Variants in CD163 observed in about 807,000 individuals in gnomAD.
The protein encoded by CD163 is CD163 molecule, also known as scavenger receptor cysteine-rich type 1 protein M130.
In CD163, 64 loss-of-function variants were observed where a neutral mutation model predicts 129.2. That is an observed-to-expected ratio of 0.50 (90% CI 0.41 to 0.61). CD163 has a LOEUF of 0.61. CD163 is among the 20% of genes least tolerant of loss of function. The probability of loss-of-function intolerance (pLI) is 0.00; values close to 1 mark genes in which losing one functional copy is unlikely to be tolerated. For synonymous variants in CD163, 446 were observed against 478.5 expected (o/e 0.93, Z 0.89); for missense variants, 1,061 against 1,377.9 (o/e 0.77, Z 3.64).
rs1287564895 is a variant in CD163, at chr12:7,483,498, T to G, written c.2957A>C (p.Gln986Pro). 1 of 1,614,102 alleles carries G rather than the reference T, an allele frequency of 6.2e-7. No individual in the cohort carries two copies. Among genetic ancestry groups the G allele is most frequent in the Non-Finnish European group, 8.5e-7 (1 of 1,180,000 alleles). ...ATTGAGCCATATCGGTCCAGTCCCC[T>G]GACCAAACTCTGCTTCTTTGAATGC... ...LKAFKEAEFG[Q>P]GTGPIWLNEV... is the part of the protein sequence containing the mutation. The change falls in exon 12 of 17, where the codon CAG becomes CCG. Residue 986 changes from glutamine (Q) to proline (P), a missense_variant. Transcript: ENST00000432237.
intron 5 of CD163, 96 bp from the exon 6 acceptor site, chr12:7,495,497 T>C (rs1358498163): frequency 9.9e-7 from 1 of 1,008,932 alleles, no homozygotes; most frequent in Non-Finnish European, 1.5e-6. Context: ...TACTGATGCA[T>C]TGAAAATTAT....
In CD163 at chr12:7,471,143, G is replaced by C. The variant is rs1948997313; in HGVS notation, c.*286C>G. On this transcript the variant is annotated 3_prime_UTR_variant, in exon 17 of 17. Transcript: ENST00000432237. ...TAGGAAGCCCATTTAGAAATTAATA[G>C]AATTAAGGACAAGTAATTAAAGCAA... 1 of 152,190 alleles carries C rather than the reference G, an allele frequency of 6.6e-6. No homozygotes were observed. The highest frequency in any genetic ancestry group is 2.4e-5 in the African/African-American group (1 of 41,546). The allele number at this position is 152,190 out of a possible 1,614,324, so 9.4% of individuals were successfully genotyped here.
intron 3 of CD163, 71 bp from the exon 4 acceptor site, chr12:7,499,259 T>A: frequency 7.5e-7 from 1 of 1,335,552 alleles, no homozygotes; most frequent in Non-Finnish European, 1.0e-6. Context: ...AGAAGTTTCC[T>A]CTGGACACTT....
At position 7,501,225 on chromosome 12, in the gene CD163, T is replaced by TC. The variant is rs1565410204; in HGVS notation, c.370dup (p.Glu124GlyfsTer10). 1 of 1,614,228 alleles carries TC rather than the reference T, an allele frequency of 6.2e-7. No individual in the cohort carries two copies. Among genetic ancestry groups the TC allele is most frequent in the Non-Finnish European group, 8.5e-7 (1 of 1,180,038 alleles). The stretch of plus-strand genomic sequence containing the variant: ...ATGTTTGCAATCCCAAAGAGCTGAC[T>TC]CATTCCCACGACAAGAAACATGATC... On this transcript the variant is annotated frameshift_variant, in exon 3 of 17. Coordinates refer to ENST00000432237, the MANE Select transcript of CD163 (RefSeq NM_203416.4). LOFTEE classifies it high-confidence loss of function.
At chr12:7,484,973 G>A (rs1297620990) in intron 11 of CD163, 123 bp downstream of exon 11, 6 of 865,558 alleles carry the variant, frequency 6.9e-6, no homozygotes, top group Non-Finnish European at 9.0e-6. Flanking sequence ...ACCCATTCTT[G>A]CTTAATTCAA....
At position 7,501,352 on chromosome 12, in the gene CD163, T is replaced by C. The variant is rs1949486048; in HGVS notation, c.244A>G (p.Met82Val). The C allele has an allele frequency of 2.5e-6, 4 of 1,613,998 alleles. No homozygotes were observed. The highest frequency in any genetic ancestry group is 3.4e-6 in the Non-Finnish European group (4 of 1,180,004). Residue 82 changes from methionine (M) to valine (V), a missense_variant, in exon 3 of 17, where the codon ATG (methionine) becomes GTG (valine). Transcript: ENST00000432237. ...TTACAAATCACAGAGACCGCTTCCA[T>C]GCTCCAGCCATTATTACACACCGTT... ...WGTVCNNGWS[M>V]EAVSVICNQL...
At chr12:7,471,667 C>A (rs746957304) in intron 16 of CD163, among the ~76,000 whole-genome samples, 1 of 151,446 alleles carries the variant, frequency 6.6e-6, no homozygotes. Context: ...GTGAGACCAA[C>A]GCAGAAGTCT....
intron 10 of CD163, among the ~76,000 whole-genome samples, chr12:7,486,109 C>CT (rs924105870): frequency 3.9e-5 from 6 of 152,238 alleles, no homozygotes; most frequent in African/African-American, 1.4e-4. Context: ...TAGTAATTAT[C>CT]TTTTTTTCTG....
chr12:7,483,742 A>C, intron 11 of CD163, 67 bp from the exon 12 acceptor site: 1 of 1,092,862 alleles, frequency 9.2e-7, no homozygotes, highest in Non-Finnish European at 1.2e-6. Context: ...TCACAGGTGA[A>C]AAGAGAGATT....
chr12:7,498,276 C>T (rs77270451), intron 4 of CD163, among the ~76,000 whole-genome samples: 125 of 152,134 alleles, frequency 8.2e-4, no homozygotes, highest in East Asian at 2.5e-3. Context: ...AACAGAAAAA[C>T]GAAGAGTGGT....
At chr12:7,502,167 T>A (rs1455722985) in intron 2 of CD163, among the ~76,000 whole-genome samples, 1 of 152,220 alleles carries the variant, frequency 6.6e-6, no homozygotes, top group Non-Finnish European at 1.5e-5. Flanking sequence ...GTTTCCCAAA[T>A]TCACTTTTGT....
chr12:7,496,722 G>A lies in CD163; in HGVS notation c.1099+91C>T. 1.9e-6 allele frequency: 2 copies of A among 1,044,368 alleles called. No individual in the cohort carries two copies. The highest frequency in any genetic ancestry group is 2.9e-6 in the Non-Finnish European group (2 of 685,388). 64.7% of individuals were successfully genotyped at this position (1,044,368 alleles called of 1,614,324 possible). On this transcript the variant is annotated intron_variant, in intron 5 of 16. Transcript: ENST00000432237. The surrounding 1 kb of genome is among the most constrained non-coding windows in gnomAD (Gnocchi z 4.8). ...TTACTAGGCATTTCTACTTCTTAAG[G>A]AGCACGTTCCTACTCTTAAGGAGCA...
intron 3 of CD163, among the ~76,000 whole-genome samples, chr12:7,499,544 G>A (rs1267121844): frequency 1.3e-5 from 2 of 152,106 alleles, no homozygotes; most frequent in African/African-American, 4.8e-5. Context: ...AGCTTTAAGT[G>A]TATAAATTTC....
intron 3 of CD163, 41 bp from the exon 4 acceptor site, chr12:7,499,229 T>C: frequency 1.3e-6 from 2 of 1,515,848 alleles, no homozygotes; most frequent in South Asian, 2.5e-5. Context: ...GTTACATTCA[T>C]TTAGAAGTGA....
rs745589563 is a variant in CD163, at chr12:7,487,383, G to C, written c.2026C>G (p.Gln676Glu). Residue 676 changes from glutamine to glutamate, a missense_variant, in exon 8 of 17, where the codon CAA becomes GAA. Transcript: ENST00000432237. This position sits in a 1 kb window ranked among gnomAD's most constrained non-coding sequence, Gnocchi z 5.1. Reference sequence around the variant, plus strand: ...CCTGAGCAGATTACAGAGGCCACTTGCTCTGAAGGACATAATGAAGCACCT... The same window carrying C: ...CCTGAGCAGATTACAGAGGCCACTTCCTCTGAAGGACATAATGAAGCACCT... ...ALGASLCPSE[Q>E]VASVICSGNQ... 6.3e-7 allele frequency: 1 copy of C among 1,597,932 alleles called. No homozygotes were observed. The highest frequency in any genetic ancestry group is 8.5e-7 in the Non-Finnish European group (1 of 1,171,980).
intron 6 of CD163, among the ~76,000 whole-genome samples, 154 bp from the exon 7 acceptor site, chr12:7,488,241 G>T (rs747774756): frequency 6.6e-5 from 10 of 152,252 alleles, no homozygotes; most frequent in African/African-American, 2.4e-4. Flanking sequence ...GCCTCGAGTT[G>T]GGTATGGATA....
chr12:7,487,500 G>A lies in CD163; in HGVS notation c.1909C>T (p.Arg637Cys), dbSNP rs766979167. 175 of 1,614,036 alleles carry A rather than the reference G, an allele frequency of 1.1e-4. 1 individual carries two copies. The highest frequency in any genetic ancestry group is 1.4e-4 in the Non-Finnish European group (167 of 1,180,014). Residue 637 changes from arginine (R) to cysteine (C), a missense_variant, in exon 8 of 17, where the codon CGT becomes TGT. Coordinates refer to ENST00000432237, the MANE Select transcript of CD163 (RefSeq NM_203416.4). The surrounding 1 kb of genome is among the most constrained non-coding windows in gnomAD (Gnocchi z 5.1). ...ATCTGACCATTTCCTTTTCCAAAAC[G>A]TGCTCCTCCTGGGGTAGAAAGGGCA... is the stretch of plus-strand genomic sequence containing the variant. Reference protein sequence around the residue: ...GVALSTPGGARFGKGNGQIWR... With the variant: ...GVALSTPGGACFGKGNGQIWR...
At chr12:7,495,702 C>T (rs747119490) in intron 5 of CD163, among the ~76,000 whole-genome samples, 10 of 151,914 alleles carry the variant, frequency 6.6e-5, no homozygotes, top group East Asian at 2.0e-4. Context: ...GGCATTTATG[C>T]GGACAACAAA....
chr12:7,488,189 G>T, intron 6 of CD163, 102 bp from the exon 7 acceptor site: 1 of 1,231,430 alleles, frequency 8.1e-7, no homozygotes. Context: ...TGGAGACCAG[G>T]GTGCTCAGTG....
Sources: allele counts gnomAD v4.1 joint callset (sites outside exome capture counted in the v4.1 genomes callset), GRCh38; gene constraint gnomAD v4.1.1; non-coding constraint Gnocchi (gnomAD v3.1); transcripts MANE v1.5; gene names NCBI Gene and HGNC (gene_info 2026-07-23, HGNC 2026-07-21).